Variants in PARD3 observed in about 807,000 individuals in gnomAD.
PARD3 encodes the protein partitioning defective 3 homolog.
PARD3 carries 75 observed loss-of-function variants against 155.4 expected under a neutral mutation model. That is an observed-to-expected ratio of 0.48 (90% confidence interval 0.40 to 0.58). The LOEUF (loss-of-function observed/expected upper bound fraction) is 0.58. PARD3 is among the 20% of genes least tolerant of loss of function. The pLI is 0.00. For synonymous variants in PARD3, 576 were observed against 610.5 expected (o/e 0.94, Z 0.83); for missense variants, 1,642 against 1,721.7 (o/e 0.95, Z 0.82).
intron 22 of PARD3, among the ~76,000 whole-genome samples, chr10:34,197,808 C>G (rs1021384059): frequency 1.3e-5 from 2 of 152,236 alleles, no homozygotes; most frequent in South Asian, 4.1e-4. Context: ...CAGCTCACTG[C>G]AACCTCTGCC....
intron 7 of PARD3, among the ~76,000 whole-genome samples, chr10:34,399,049 C>G (rs1401265793): frequency 6.6e-6 from 1 of 152,092 alleles, no homozygotes. Flanking sequence ...AGTCCATCAT[C>G]AATTTACAGC....
At chr10:34,329,079 CATGA>C (rs1835341216) in intron 19 of PARD3, among the ~76,000 whole-genome samples, 1 of 152,160 alleles carries the variant, frequency 6.6e-6, no homozygotes, top group Non-Finnish European at 1.5e-5. Flanking sequence ...AGGACAGATA[CATGA>C]ATGAACTTTA....
intron 1 of PARD3, among the ~76,000 whole-genome samples, chr10:34,770,253 T>C (rs145756469): frequency 7.9e-5 from 12 of 152,322 alleles, no homozygotes; most frequent in Non-Finnish European, 1.5e-4. Flanking sequence ...CAAAAGTCTT[T>C]CCTGGTTATG....
intron 5 of PARD3, among the ~76,000 whole-genome samples, chr10:34,433,274 A>T (rs886383899): frequency 3.3e-5 from 5 of 152,218 alleles, no homozygotes; most frequent in Non-Finnish European, 7.4e-5. Flanking sequence ...CATTATATTG[A>T]GCCACAGAAA....
chr10:34,509,674 G>A (rs1479151577), intron 3 of PARD3, among the ~76,000 whole-genome samples: 4 of 152,098 alleles, frequency 2.6e-5, no homozygotes, highest in African/African-American at 7.2e-5. Flanking sequence ...ACTATGGTGA[G>A]GGCGGCCCAT....
chr10:34,221,331 C>T (rs1588827575), intron 22 of PARD3, among the ~76,000 whole-genome samples: 1 of 151,750 alleles, frequency 6.6e-6, no homozygotes, highest in African/African-American at 2.4e-5. Flanking sequence ...CTGGGAGTTC[C>T]GCAGAGGTGC....
At chr10:34,532,510 G>T (rs1354671650) in intron 2 of PARD3, among the ~76,000 whole-genome samples, 1 of 151,974 alleles carries the variant, frequency 6.6e-6, no homozygotes, top group Non-Finnish European at 1.5e-5. Context: ...TGTGCCACAT[G>T]GTGTGAACTG....
chr10:34,355,601 T>G (rs1462532401), intron 14 of PARD3, among the ~76,000 whole-genome samples: 1 of 149,700 alleles, frequency 6.7e-6, no homozygotes. Context: ...AGCAAGGGAG[T>G]GGAGATCAGC....
chr10:34,534,241 G>A (rs1288574773), intron 2 of PARD3, among the ~76,000 whole-genome samples: 1 of 151,764 alleles, frequency 6.6e-6, no homozygotes, highest in African/African-American at 2.4e-5. Context: ...ACTCCAGCCT[G>A]GGTGACAGAG....
At chr10:34,161,538 C>T (rs1276780122) in intron 22 of PARD3, among the ~76,000 whole-genome samples, 1 of 152,104 alleles carries the variant, frequency 6.6e-6, no homozygotes, top group Non-Finnish European at 1.5e-5. Context: ...GTGGAAATCC[C>T]AAGATGCTGG....
intron 22 of PARD3, among the ~76,000 whole-genome samples, chr10:34,165,190 C>T (rs1949470723): frequency 6.6e-6 from 1 of 152,142 alleles, no homozygotes; most frequent in African/African-American, 2.4e-5. Context: ...ACCCTTTGCA[C>T]CTCTGAGAAT....
chr10:34,666,816 T>TATATATATATATATACACAC (rs765552982), intron 2 of PARD3, among the ~76,000 whole-genome samples: 1 of 88,768 alleles, frequency 1.1e-5, no homozygotes, highest in African/African-American at 4.7e-5. Context: ...TATATATATA[T>TATATATATATATATACACAC]ACACACACAC....
At chr10:34,619,294 TCCGCCTCAG>T (rs563005826) in intron 2 of PARD3, among the ~76,000 whole-genome samples, 296 of 152,076 alleles carry the variant, frequency 1.9e-3, no homozygotes, top group African/African-American at 6.5e-3. Flanking sequence ...AAGTGATCTG[TCCGCCTCAG>T]CCTCCCAAAG....
At position 34,743,647 on chromosome 10, in the gene PARD3, C is replaced by G. The variant is rs114452510; in HGVS notation, c.121-47228G>C. Among the ~76,000 whole-genome samples the G allele has an allele frequency of 2.3e-3, 356 of 152,304 alleles. 5 individuals carry two copies. The highest frequency in any genetic ancestry group is 7.7e-3 in the African/African-American group (318 of 41,558). On this transcript the variant is annotated intron_variant, in intron 1 of 24. Transcript: ENST00000374788. ...CTGCTTTCTCGAGCCACAAAGACAT[C>G]CTAACTAGCCTTGATAGATTGTACA...
intron 22 of PARD3, among the ~76,000 whole-genome samples, chr10:34,146,522 C>A (rs1441017): frequency 0.34 from 52,307 of 152,066 alleles, 9,410 homozygotes; most frequent in African/African-American, 0.41. Context: ...GAGTCCTCCA[C>A]ACTTTTTCTC....
intron 3 of PARD3, among the ~76,000 whole-genome samples, chr10:34,503,014 C>CT (rs1257311123): frequency 6.6e-6 from 1 of 152,050 alleles, no homozygotes; most frequent in African/African-American, 2.4e-5. Flanking sequence ...CCTCAGTGTC[C>CT]TTGTTTCTGC....
At chr10:34,205,299 AG>A (rs1348753769) in intron 22 of PARD3, among the ~76,000 whole-genome samples, 23 of 150,500 alleles carry the variant, frequency 1.5e-4, no homozygotes, top group Non-Finnish European at 2.8e-4. Context: ...GACTGTATTT[AG>A]CCTGTTATGC....
chr10:34,705,716 C>T (rs1051521561), intron 1 of PARD3, among the ~76,000 whole-genome samples: 1 of 152,102 alleles, frequency 6.6e-6, no homozygotes, highest in African/African-American at 2.4e-5. Flanking sequence ...TGCTCGGCCC[C>T]CATTCTCCAC....
chr10:34,441,791 T>A (rs961621238), intron 5 of PARD3, among the ~76,000 whole-genome samples: 3 of 152,160 alleles, frequency 2.0e-5, no homozygotes, highest in Non-Finnish European at 2.9e-5. Flanking sequence ...ATTGTTTTTT[T>A]AAAAAATAAT....
Sources: gnomAD v4.1 joint callset for allele counts (sites outside exome capture counted in the v4.1 genomes callset) on GRCh38, gnomAD v4.1.1 for gene constraint, MANE v1.5 for transcripts, NCBI Gene and HGNC (gene_info 2026-07-23, HGNC 2026-07-21) for gene names.